The following ROBO2 variants were observed in gnomAD, a reference collection of about 807,000 sequenced individuals.
ROBO2 encodes the protein roundabout homolog 2.
In ROBO2, 53 loss-of-function variants were observed where a neutral mutation model predicts 160.8. That is an observed-to-expected ratio of 0.33 (90% CI 0.26 to 0.41). The LOEUF (loss-of-function observed/expected upper bound fraction) is 0.41. ROBO2 is among the 10% of genes least tolerant of loss of function. ROBO2 has a pLI of 1.00. For synonymous variants in ROBO2, 664 were observed against 611.7 expected (o/e 1.09, Z -1.26); for missense variants, 1,577 against 1,722.4 (o/e 0.92, Z 1.49).
At chr3:76,800,077 G>A (rs563517190) in intron 2 of ROBO2, among the ~76,000 whole-genome samples, 22 of 152,226 alleles carry the variant, frequency 1.4e-4, no homozygotes, top group Non-Finnish European at 2.2e-4. Flanking sequence ...TACATCTAAA[G>A]TGAACTCATT....
chr3:76,251,668 A>T (rs1706009845), intron 2 of ROBO2, among the ~76,000 whole-genome samples: 1 of 152,154 alleles, frequency 6.6e-6, no homozygotes, highest in South Asian at 2.1e-4. Context: ...TTCTATAAGA[A>T]CTGTGAAAGA....
chr3:76,212,508 C>G (rs370997677), intron 2 of ROBO2, among the ~76,000 whole-genome samples: 2 of 151,836 alleles, frequency 1.3e-5, no homozygotes, highest in South Asian at 2.1e-4. Flanking sequence ...ACTTAATGTT[C>G]TTAGCAATTA....
At chr3:76,044,950 C>T (rs2067402490) in intron 2 of ROBO2, among the ~76,000 whole-genome samples, 1 of 152,036 alleles carries the variant, frequency 6.6e-6, no homozygotes, top group Non-Finnish European at 1.5e-5. Context: ...AATTCCTAAG[C>T]TGTTTGAAAA....
chr3:77,283,861 A>C (rs2060407891), intron 2 of ROBO2, among the ~76,000 whole-genome samples: 1 of 152,194 alleles, frequency 6.6e-6, no homozygotes, highest in African/African-American at 2.4e-5. Flanking sequence ...CACTGACAGA[A>C]TCCACATTGG....
intron 2 of ROBO2, among the ~76,000 whole-genome samples, chr3:76,158,025 C>G (rs748032872): frequency 6.6e-6 from 1 of 152,056 alleles, no homozygotes; most frequent in Non-Finnish European, 1.5e-5. Context: ...TTCTCTCAAC[C>G]AAAATATGTT....
At chr3:76,042,064 G>T (rs1424783363) in intron 2 of ROBO2, among the ~76,000 whole-genome samples, 1 of 150,502 alleles carries the variant, frequency 6.6e-6, no homozygotes, top group African/African-American at 2.4e-5. Context: ...ATAGTAAAGT[G>T]ACAGAAACAA....
intron 2 of ROBO2, among the ~76,000 whole-genome samples, chr3:77,200,033 G>A (rs983084735): frequency 6.6e-6 from 1 of 151,032 alleles, no homozygotes; most frequent in South Asian, 2.1e-4. Flanking sequence ...GAATAAAAGA[G>A]CAGGATTTTA....
intron 2 of ROBO2, among the ~76,000 whole-genome samples, chr3:76,956,202 T>C (rs888940578): frequency 2.0e-5 from 3 of 152,170 alleles, no homozygotes; most frequent in African/African-American, 7.2e-5. Context: ...AGAAATTAAA[T>C]ATGCATTAGA....
intron 2 of ROBO2, among the ~76,000 whole-genome samples, chr3:76,625,299 T>A (rs2089552565): frequency 6.6e-6 from 1 of 152,172 alleles, no homozygotes; most frequent in Admixed American, 6.5e-5. Context: ...TTAGCTTCTT[T>A]TTAAGAAGCC....
chr3:77,051,248 T>C (rs1448834830), intron 1 of ROBO2, among the ~76,000 whole-genome samples: 1 of 152,160 alleles, frequency 6.6e-6, no homozygotes, highest in Non-Finnish European at 1.5e-5. Context: ...CAACTTTTAA[T>C]ACTAAAGTGA....
At chr3:76,576,184 G>A (rs907304396) in intron 2 of ROBO2, among the ~76,000 whole-genome samples, 2 of 152,020 alleles carry the variant, frequency 1.3e-5, no homozygotes, top group Admixed American at 1.3e-4. Context: ...AAGCAGCATG[G>A]TTCATGTTAA....
intron 2 of ROBO2, among the ~76,000 whole-genome samples, chr3:76,614,547 T>C (rs2088411535): frequency 1.3e-5 from 2 of 152,060 alleles, no homozygotes; most frequent in South Asian, 2.1e-4. Context: ...GAAATCAAAT[T>C]ATCATGTTTG....
chr3:77,004,002 C>G (rs981543663), intron 2 of ROBO2, among the ~76,000 whole-genome samples: 3 of 152,066 alleles, frequency 2.0e-5, no homozygotes, highest in African/African-American at 7.2e-5. Flanking sequence ...AAACTTAAAA[C>G]ATGTTTTTAT....
At chr3:76,556,899 G>A (rs555363811) in intron 2 of ROBO2, among the ~76,000 whole-genome samples, 3 of 151,858 alleles carry the variant, frequency 2.0e-5, no homozygotes, top group Non-Finnish European at 4.4e-5. Context: ...TCACCTTTTC[G>A]ATGTTTGTTC....
rs912763344 is a variant in ROBO2 at position 76,143,957 on chromosome 3, C to CT, written c.109+206365dup. Reference sequence around the variant, plus strand: ...GAGACAAAATTCTCTCTTATTCTGCCTTTTTTTTTTCTATTCAGGCCTTTA... The same window carrying CT: ...GAGACAAAATTCTCTCTTATTCTGCCTTTTTTTTTTTCTATTCAGGCCTTTA... On this transcript the variant is annotated intron_variant, in intron 2 of 26. Transcript: ENST00000487694. Among the ~76,000 whole-genome samples the CT allele has an allele frequency of 3.3e-3, 493 of 148,536 alleles. 3 individuals carry two copies. Among genetic ancestry groups the CT allele is most frequent in the Non-Finnish European group, 5.6e-3 (377 of 66,830 alleles).
At chr3:77,411,916 T>C (rs1267940021) in intron 2 of ROBO2, among the ~76,000 whole-genome samples, 2 of 152,210 alleles carry the variant, frequency 1.3e-5, no homozygotes, top group Admixed American at 6.5e-5. Context: ...TGACATCCCA[T>C]GTTCAAATGT....
intron 2 of ROBO2, among the ~76,000 whole-genome samples, chr3:77,185,389 C>T (rs949799217): frequency 3.3e-5 from 5 of 151,686 alleles, no homozygotes; most frequent in East Asian, 1.9e-4. Context: ...AGAGAAGAAA[C>T]GGAAGCATAG....
intron 2 of ROBO2, among the ~76,000 whole-genome samples, chr3:77,363,586 G>A (rs1394975603): frequency 6.6e-6 from 1 of 151,970 alleles, no homozygotes; most frequent in African/African-American, 2.4e-5. Context: ...AGCGTAGAAT[G>A]GACAGCCGTC....
At chr3:76,627,186 A>G (rs1480588006) in intron 2 of ROBO2, among the ~76,000 whole-genome samples, 1 of 152,118 alleles carries the variant, frequency 6.6e-6, no homozygotes, top group East Asian at 1.9e-4. Context: ...CCTTCACCTT[A>G]CTTAGTTTGC....
Sources: gnomAD v4.1 joint callset for allele counts (sites outside exome capture counted in the v4.1 genomes callset) on GRCh38, gnomAD v4.1.1 for gene constraint, MANE v1.5 for transcripts, NCBI Gene and HGNC (gene_info 2026-07-23, HGNC 2026-07-21) for gene names.